The following EYA1 variants were observed in gnomAD, a reference collection of about 807,000 sequenced individuals.
EYA1 encodes the protein protein phosphatase EYA1.
A neutral mutation model predicts 82.0 loss-of-function variants in EYA1; 16 were observed. That is an observed-to-expected ratio of 0.20 (90% CI 0.13 to 0.30). The LOEUF is 0.30. Ranked by LOEUF, EYA1 falls within the 10% of genes least tolerant of loss-of-function variation. The probability of loss-of-function intolerance (pLI) is 1.00; values close to 1 mark genes in which losing one functional copy is unlikely to be tolerated. For missense variants in EYA1, 633 were observed against 730.7 expected (o/e 0.87, Z 1.54); for synonymous variants, 261 against 264.4 (o/e 0.99, Z 0.12).
At chr8:71,256,292 G>A (rs1213079382) in intron 11 of EYA1, among the ~76,000 whole-genome samples, 1 of 151,988 alleles carries the variant, frequency 6.6e-6, no homozygotes, top group Non-Finnish European at 1.5e-5. Flanking sequence ...AGTCATAGGT[G>A]GAAGCAACTC....
At chr8:71,403,344 C>T (rs1346472432) in intron 2 of EYA1, 1 of 152,012 alleles carries the variant, frequency 6.6e-6, no homozygotes, top group Non-Finnish European at 1.5e-5. Flanking sequence ...AATTGACACA[C>T]ATAAAAAGTG....
At chr8:71,514,348 T>C (rs1812809819) in intron 2 of EYA1, among the ~76,000 whole-genome samples, 1 of 151,954 alleles carries the variant, frequency 6.6e-6, no homozygotes. Flanking sequence ...GAATGAAATA[T>C]TTTTAATTAA....
chr8:71,372,046 A>T (rs940994313), intron 2 of EYA1, among the ~76,000 whole-genome samples: 1 of 152,156 alleles, frequency 6.6e-6, no homozygotes, highest in African/African-American at 2.4e-5. Context: ...TAAAATTTAG[A>T]CCAATAATTC....
chr8:71,377,078 A>AC (rs1224571066), intron 2 of EYA1, among the ~76,000 whole-genome samples: 1 of 151,882 alleles, frequency 6.6e-6, no homozygotes, highest in Non-Finnish European at 1.5e-5. Flanking sequence ...TACTTTGGTG[A>AC]CCCCCAATGA....
chr8:71,510,874 C>G (rs889945649), intron 2 of EYA1, among the ~76,000 whole-genome samples: 1 of 152,228 alleles, frequency 6.6e-6, no homozygotes, highest in African/African-American at 2.4e-5. Context: ...ACACATCTTC[C>G]AATCCATCAC....
At chr8:71,379,768 A>C (rs1055007021) in intron 2 of EYA1, among the ~76,000 whole-genome samples, 5 of 152,186 alleles carry the variant, frequency 3.3e-5, no homozygotes, top group Non-Finnish European at 7.4e-5. Flanking sequence ...TTTTAGGTGA[A>C]GTTCAAAATC....
chr8:71,354,663 G>A (rs1485210693), intron 3 of EYA1, 119 bp downstream of exon 3: 8 of 979,840 alleles, frequency 8.2e-6, no homozygotes, highest in Non-Finnish European at 1.3e-5. Context: ...ATTACCTAAA[G>A]GGGAAATATA....
intron 2 of EYA1, among the ~76,000 whole-genome samples, chr8:71,384,976 A>C (rs1335899616): frequency 6.6e-6 from 1 of 152,132 alleles, no homozygotes; most frequent in Non-Finnish European, 1.5e-5. Flanking sequence ...GACCCTTATA[A>C]ATTTCAAATA....
At chr8:71,427,283 C>A (rs1016106897) in intron 2 of EYA1, among the ~76,000 whole-genome samples, 7 of 152,170 alleles carry the variant, frequency 4.6e-5, no homozygotes, top group Non-Finnish European at 5.9e-5. Context: ...GCTTGTGGAG[C>A]CTTCCTCCCT....
At chr8:71,327,547 G>T (rs536984908) in intron 4 of EYA1, among the ~76,000 whole-genome samples, 19 of 152,216 alleles carry the variant, frequency 1.2e-4, no homozygotes, top group African/African-American at 4.6e-4. Context: ...GAGTAAATGG[G>T]CCTCACTTTA....
intron 7 of EYA1, 61 bp downstream of exon 7, chr8:71,317,491 A>G: frequency 6.4e-7 from 1 of 1,551,560 alleles, no homozygotes; most frequent in South Asian, 1.1e-5. Flanking sequence ...ATCAGGTTCT[A>G]CTTTAGAAGT....
chr8:71,505,490 A>G (rs1326485837), intron 2 of EYA1, among the ~76,000 whole-genome samples: 1 of 152,200 alleles, frequency 6.6e-6, no homozygotes, highest in Non-Finnish European at 1.5e-5. Flanking sequence ...TTGTGGCAGG[A>G]ATAGGGGACT....
At chr8:71,224,550 T>G (rs1484056912) in intron 12 of EYA1, among the ~76,000 whole-genome samples, 1 of 152,220 alleles carries the variant, frequency 6.6e-6, no homozygotes, top group Non-Finnish European at 1.5e-5. Flanking sequence ...CATCTATAGG[T>G]CACTAAAAGA....
Position 71,413,935 on chromosome 8 carries a change from C to T in EYA1, c.34-57424G>A, listed in dbSNP as rs1830730558. ...GTCACAAGTGTCACAAGCTGGGTTT[C>T]CTAGAAGGTAGAATCTAAGACAATT... is the stretch of plus-strand genomic sequence containing the variant. On this transcript the variant is annotated intron_variant, in intron 2 of 18. Coordinates refer to the EYA1 transcript ENST00000643681. 2.6e-5 allele frequency among the ~76,000 whole-genome samples: 4 copies of T among 152,076 alleles called. No homozygotes were observed. The South Asian group carries it at 8.3e-4, about 32-fold the overall frequency.
At chr8:71,305,500 A>G (rs1478317446) in intron 7 of EYA1, among the ~76,000 whole-genome samples, 1 of 102,668 alleles carries the variant, frequency 9.7e-6, no homozygotes, top group Non-Finnish European at 2.5e-5. Flanking sequence ...TCTCTACTAA[A>G]AATACAAAAA....
At chr8:71,443,838 T>C (rs1806624944) in intron 2 of EYA1, among the ~76,000 whole-genome samples, 1 of 152,222 alleles carries the variant, frequency 6.6e-6, no homozygotes, top group Non-Finnish European at 1.5e-5. Context: ...GTTTTGCCCT[T>C]ATGCAAAACA....
intron 2 of EYA1, among the ~76,000 whole-genome samples, chr8:71,464,235 TAAGTGAC>T (rs1208334500): frequency 6.6e-6 from 1 of 152,198 alleles, no homozygotes; most frequent in African/African-American, 2.4e-5. Context: ...CATTTGCCTC[TAAGTGAC>T]AAGTTTCACA....
At chr8:71,402,173 TCTA>T (rs1474522480) in intron 2 of EYA1, among the ~76,000 whole-genome samples, 1 of 152,206 alleles carries the variant, frequency 6.6e-6, no homozygotes, top group Non-Finnish European at 1.5e-5. Flanking sequence ...TGGGCAGGTT[TCTA>T]CTTTCTGTGC....
chr8:71,333,737 C>T (rs894666823), intron 4 of EYA1, among the ~76,000 whole-genome samples: 4 of 152,114 alleles, frequency 2.6e-5, no homozygotes, highest in African/African-American at 7.2e-5. Context: ...GCGTAAAACA[C>T]CAAATTTTGC....
Sources: gnomAD v4.1 joint callset for allele counts (sites outside exome capture counted in the v4.1 genomes callset) on GRCh38, gnomAD v4.1.1 for gene constraint, MANE v1.5 for transcripts, NCBI Gene and HGNC (gene_info 2026-07-23, HGNC 2026-07-21) for gene names.